Variants in SPATA17 observed in about 807,000 individuals in gnomAD.
SPATA17 encodes the protein spermatogenesis associated 17.
Under a neutral mutation model 62.2 loss-of-function variants are expected in SPATA17, and 53 were observed. That is an observed-to-expected ratio of 0.85 (90% CI 0.68 to 1.07). The LOEUF is 1.07. Ranked by LOEUF, SPATA17 falls within the 50% of genes least tolerant of loss-of-function variation. The pLI is 0.00. For missense variants in SPATA17, 466 were observed against 425.5 expected (o/e 1.10, Z -0.84); for synonymous variants, 146 against 146.8 (o/e 0.99, Z 0.04).
At chr1:217,813,925 T>C (rs1257791791) in intron 9 of SPATA17, among the ~76,000 whole-genome samples, 1 of 152,000 alleles carries the variant, frequency 6.6e-6, no homozygotes, top group African/African-American at 2.4e-5. Context: ...GCTTATAGAA[T>C]ACTTTAAATG....
chr1:217,842,418 T>C (rs1285063715), intron 9 of SPATA17, among the ~76,000 whole-genome samples: 1 of 152,028 alleles, frequency 6.6e-6, no homozygotes, highest in Admixed American at 6.6e-5. Context: ...AACTCACTAG[T>C]GAGCCTATTG....
intron 5 of SPATA17, among the ~76,000 whole-genome samples, chr1:217,715,081 A>G (rs941287570): frequency 2.0e-5 from 3 of 152,202 alleles, no homozygotes; most frequent in African/African-American, 4.8e-5. Context: ...GGGATTTTGT[A>G]CCATAAATAT....
intron 4 of SPATA17, among the ~76,000 whole-genome samples, chr1:217,678,844 A>G (rs1671012972): frequency 6.6e-6 from 1 of 152,170 alleles, no homozygotes; most frequent in East Asian, 1.9e-4. Flanking sequence ...CTGATCAATG[A>G]CAATAATTGT....
At chr1:217,702,567 T>G (rs1671623732) in intron 5 of SPATA17, among the ~76,000 whole-genome samples, 1 of 152,222 alleles carries the variant, frequency 6.6e-6, no homozygotes, top group South Asian at 2.1e-4. Context: ...GGTTTTTACT[T>G]TATTTTTAAA....
intron 5 of SPATA17, among the ~76,000 whole-genome samples, chr1:217,717,691 A>G (rs1295874152): frequency 1.3e-5 from 2 of 152,138 alleles, no homozygotes; most frequent in African/African-American, 4.8e-5. Flanking sequence ...TGTGATGCAG[A>G]TCATTATCAT....
At chr1:217,771,099 A>G (rs1673434372) in intron 6 of SPATA17, among the ~76,000 whole-genome samples, 1 of 147,354 alleles carries the variant, frequency 6.8e-6, no homozygotes, top group Non-Finnish European at 1.5e-5. Context: ...ACCAGTCAGC[A>G]GCCGGGCCTG....
intron 5 of SPATA17, among the ~76,000 whole-genome samples, chr1:217,688,515 T>C (rs761156060): frequency 1.6e-4 from 24 of 152,364 alleles, no homozygotes; most frequent in Middle Eastern, 3.4e-3. Context: ...CTGTTGCTTT[T>C]AGCATGTCAC....
intron 6 of SPATA17, among the ~76,000 whole-genome samples, chr1:217,750,336 C>T (rs2102955087): frequency 6.6e-6 from 1 of 151,938 alleles, no homozygotes; most frequent in South Asian, 2.1e-4. Flanking sequence ...AGTATAAAGA[C>T]CCAAATGGAC....
At chr1:217,836,100 T>C (rs1675253728) in intron 9 of SPATA17, among the ~76,000 whole-genome samples, 1 of 152,176 alleles carries the variant, frequency 6.6e-6, no homozygotes, top group Non-Finnish European at 1.5e-5. Context: ...GTGCTAACTC[T>C]GTCTCCCATT....
intron 4 of SPATA17, among the ~76,000 whole-genome samples, chr1:217,681,532 C>T (rs1353845361): frequency 6.6e-6 from 1 of 151,838 alleles, no homozygotes; most frequent in Non-Finnish European, 1.5e-5. Context: ...CACCACCATG[C>T]CCAGTTTTGT....
At chr1:217,761,443 C>T (rs1429099095) in intron 6 of SPATA17, among the ~76,000 whole-genome samples, 1 of 152,184 alleles carries the variant, frequency 6.6e-6, no homozygotes, top group Non-Finnish European at 1.5e-5. Flanking sequence ...CATCCTAACT[C>T]CACAGAATAG....
intron 9 of SPATA17, among the ~76,000 whole-genome samples, chr1:217,826,349 T>C (rs1675001766): frequency 1.3e-5 from 2 of 152,102 alleles, no homozygotes; most frequent in Admixed American, 1.3e-4. Context: ...GGCCCAAATA[T>C]AGTCACATTG....
chr1:217,793,498 G>C (rs1355822341), intron 8 of SPATA17, among the ~76,000 whole-genome samples: 1 of 152,090 alleles, frequency 6.6e-6, no homozygotes, highest in Non-Finnish European at 1.5e-5. Context: ...GGGATTACAG[G>C]CGTGCGCCAC....
intron 6 of SPATA17, among the ~76,000 whole-genome samples, chr1:217,744,551 T>C (rs1452168548): frequency 6.6e-6 from 1 of 151,812 alleles, no homozygotes; most frequent in Non-Finnish European, 1.5e-5. Flanking sequence ...GGTATTACCA[T>C]TGTGTTTTAA....
intron 9 of SPATA17, among the ~76,000 whole-genome samples, chr1:217,849,726 T>C (rs11117950): frequency 1 from 152,036 of 152,186 alleles, 75,944 homozygotes; most frequent in East Asian, 1. Flanking sequence ...GATCATAAAC[T>C]TCCTGAACCT....
chr1:217,647,484 A>C (rs1670210161), intron 1 of SPATA17, among the ~76,000 whole-genome samples: 1 of 152,228 alleles, frequency 6.6e-6, no homozygotes, highest in Non-Finnish European at 1.5e-5. Flanking sequence ...ATAGGACAAA[A>C]TAGATAAGAC....
intron 9 of SPATA17, among the ~76,000 whole-genome samples, chr1:217,845,531 G>A (rs1373846786): frequency 1.3e-5 from 2 of 152,168 alleles, no homozygotes; most frequent in East Asian, 3.9e-4. Flanking sequence ...GAGTCTCTGT[G>A]AGAGTGGGTT....
At chr1:217,631,483 C>T (rs1268088338) in intron 1 of SPATA17, 37 bp downstream of exon 1, 10 of 1,607,240 alleles carry the variant, frequency 6.2e-6, no homozygotes, top group Non-Finnish European at 7.7e-6. Context: ...AAAGGGCGGG[C>T]GTGACTTTAT....
chr1:217,793,503 C>T (rs890441848), intron 8 of SPATA17, among the ~76,000 whole-genome samples: 5 of 152,022 alleles, frequency 3.3e-5, no homozygotes, highest in South Asian at 2.1e-4. Context: ...TACAGGCGTG[C>T]GCCACCGTGC....
Sources: gnomAD v4.1 joint callset for allele counts (sites outside exome capture counted in the v4.1 genomes callset) on GRCh38, gnomAD v4.1.1 for gene constraint, MANE v1.5 for transcripts, NCBI Gene and HGNC (gene_info 2026-07-23, HGNC 2026-07-21) for gene names.